The following TPO variants were observed in gnomAD, a reference collection of about 807,000 sequenced individuals.
TPO encodes thyroid microsomal antigen.
Under a neutral mutation model 96.9 loss-of-function variants are expected in TPO, and 78 were observed. The observed-to-expected ratio is 0.81, with a 90% confidence interval of 0.67 to 0.97. TPO has a LOEUF of 0.97. Among genes scored for constraint, TPO ranks in the 50% least tolerant of loss-of-function variants. TPO has a pLI of 0.00. For missense variants in TPO, 1,252 were observed against 1,274.8 expected (o/e 0.98, Z 0.27); for synonymous variants, 547 against 538.0 (o/e 1.02, Z -0.23).
intron 10 of TPO, among the ~76,000 whole-genome samples, chr2:1,493,217 G>GT (rs201445947): frequency 2.5e-5 from 3 of 118,586 alleles, no homozygotes; most frequent in East Asian, 5.8e-4. Flanking sequence ...GGTGGGGGGG[G>GT]GGGTGCTGGC....
At chr2:1,527,827 C>T (rs200358696) in intron 15 of TPO, among the ~76,000 whole-genome samples, 1 of 148,222 alleles carries the variant, frequency 6.7e-6, no homozygotes, top group Non-Finnish European at 1.5e-5. Flanking sequence ...CTCAAATCCC[C>T]ATACTGTGTG....
At chr2:1,421,116 A>T (rs1663467261) in intron 2 of TPO, among the ~76,000 whole-genome samples, 1 of 152,196 alleles carries the variant, frequency 6.6e-6, no homozygotes, top group Admixed American at 6.5e-5. Context: ...GAGGGAGACC[A>T]TGGAGAGAAG....
At chr2:1,525,050 T>TCCCTCCCACTGTGTGCAACCCCCCCC (rs1676120970) in intron 15 of TPO, among the ~76,000 whole-genome samples, 1 of 7,934 alleles carries the variant, frequency 1.3e-4, no homozygotes, top group African/African-American at 4.3e-4. Flanking sequence ...AACCTCCCCC[T>TCCCTCCCACTGTGTGCAACCCCCCCC]ATCCCTCCCA....
At chr2:1,541,978 G>C (rs1166034040) in intron 16 of TPO, 1 of 212,750 alleles carries the variant, frequency 4.7e-6, no homozygotes, top group Non-Finnish European at 9.5e-6. Flanking sequence ...GAACCAAAAG[G>C]ACCTGGCCTG....
At position 1,441,210 on chromosome 2, in the gene TPO, G is replaced by A. The variant is rs76776053; in HGVS notation, c.482+4826G>A. On this transcript the variant is annotated intron_variant, in intron 5 of 16. Transcript: ENST00000329066. ...GGGCAGGGTCCTTCTTGTTTGTGTGGTGTAGTCAGTGCCGCAGGAGCTACC... is the reference window on the plus strand; with the variant it reads ...GGGCAGGGTCCTTCTTGTTTGTGTGATGTAGTCAGTGCCGCAGGAGCTACC... Among the ~76,000 whole-genome samples the A allele has an allele frequency of 9.9e-5, 15 of 152,216 alleles. 1 individual carries two copies. Among genetic ancestry groups the A allele is most frequent in the African/African-American group, 3.4e-4 (14 of 41,528 alleles).
chr2:1,471,958 C>T (rs1377663000), intron 7 of TPO, among the ~76,000 whole-genome samples: 1 of 148,702 alleles, frequency 6.7e-6, no homozygotes, highest in African/African-American at 2.5e-5. Flanking sequence ...AGCACATGCC[C>T]TTCCCATGAT....
chr2:1,381,964 G>C (rs79329312), intron 1 of TPO, among the ~76,000 whole-genome samples: 2,441 of 152,290 alleles, frequency 0.016, 48 homozygotes, highest in East Asian at 0.063. Flanking sequence ...CATAAACGCA[G>C]CTGTAAATTG....
intron 2 of TPO, among the ~76,000 whole-genome samples, chr2:1,420,386 C>T (rs1663386845): frequency 6.6e-6 from 1 of 152,148 alleles, no homozygotes; most frequent in Non-Finnish European, 1.5e-5. Context: ...TAGCGCAGAA[C>T]TTTGCAGAGC....
At chr2:1,456,373 C>T (rs1279668386) in intron 7 of TPO, 91 bp downstream of exon 7, 1 of 1,376,426 alleles carries the variant, frequency 7.3e-7, no homozygotes, top group Non-Finnish European at 1.0e-6. Flanking sequence ...ATGTGAAAGT[C>T]TGTTTCTTTG....
intron 7 of TPO, among the ~76,000 whole-genome samples, chr2:1,462,589 T>A (rs11886764): frequency 6.6e-6 from 1 of 151,858 alleles, no homozygotes. Context: ...TTTTTAAACA[T>A]ACAGACTGGA....
intron 14 of TPO, among the ~76,000 whole-genome samples, chr2:1,515,844 G>A (rs1372438688): frequency 6.6e-6 from 1 of 152,036 alleles, no homozygotes; most frequent in African/African-American, 2.4e-5. Flanking sequence ...TAGCCCCAGA[G>A]CCTATCTTCA....
In TPO at chr2:1,433,580, A is replaced by T. The variant is rs140740927; in HGVS notation, c.322A>T (p.Lys108Ter). Reference sequence around the variant, plus strand: ...AGCGATGAAAAGAAAAGTCAACCTGAAAACTCAACAATCACAGCATCCAAC... The same window carrying T: ...AGCGATGAAAAGAAAAGTCAACCTGTAAACTCAACAATCACAGCATCCAAC... The part of the protein sequence containing the change: ...IQAMKRKVNL[K>*]TQQSQHPTDA... The change falls in exon 4 of 17, where the codon AAA becomes TAA. Residue 108 changes from lysine (K) to a stop codon, truncating the protein, a stop_gained. Coordinates refer to ENST00000329066, the MANE Select transcript of TPO (RefSeq NM_001206744.2). LOFTEE classifies it high-confidence loss of function. 6.2e-7 allele frequency: 1 copy of T among 1,614,000 alleles called. No homozygotes were observed. Among genetic ancestry groups the T allele is most frequent in the African/African-American group, 1.3e-5 (1 of 74,920 alleles).
intron 14 of TPO, among the ~76,000 whole-genome samples, chr2:1,507,473 G>A (rs562724792): frequency 0.01 from 1,583 of 152,268 alleles, 28 homozygotes; most frequent in African/African-American, 0.036. Context: ...ATTACCTTGG[G>A]CAGTATGGTC....
intron 15 of TPO, 29 bp from the exon 16 acceptor site, chr2:1,540,565 C>A (rs1334779706): frequency 1.2e-6 from 2 of 1,611,372 alleles, no homozygotes; most frequent in African/African-American, 2.7e-5. Flanking sequence ...CGGACCCTCT[C>A]CCGATAACTG....
chr2:1,493,960 TTC>T lies in TPO; in HGVS notation c.1928_1929del (p.Phe643SerfsTer25). Reference protein sequence around the residue: ...DVWLGGLAENFLPRARTGPLF... With the variant: ...DVWLGGLAENXLPRARTGPLF... The stretch of plus-strand genomic sequence containing the variant: ...CTGGCTGGGAGGCTTAGCTGAAAAC[TTC>T]CTCCCCAGGGCTCGGACAGGGCCCC... On this transcript the variant is annotated frameshift_variant, in exon 11 of 17. Transcript: ENST00000329066. LOFTEE classifies it high-confidence loss of function. 1 of 1,614,082 alleles carries T rather than the reference TTC, an allele frequency of 6.2e-7. No individual in the cohort carries two copies. Among genetic ancestry groups the T allele is most frequent in the Non-Finnish European group, 8.5e-7 (1 of 1,180,016 alleles).
chr2:1,436,949 A>C (rs972683921), intron 5 of TPO, among the ~76,000 whole-genome samples: 2 of 152,110 alleles, frequency 1.3e-5, no homozygotes, highest in Non-Finnish European at 2.9e-5. Flanking sequence ...TCCCCACTGC[A>C]CTCAGAGTGA....
chr2:1,487,700 A>G (rs754713823), intron 9 of TPO, 121 bp from the exon 10 acceptor site: 177 of 1,315,308 alleles, frequency 1.3e-4, no homozygotes, highest in Non-Finnish European at 1.6e-4. Flanking sequence ...TCGCCACTGC[A>G]CTCCAGCCTG....
At chr2:1,461,402 C>T (rs1668415993) in intron 7 of TPO, among the ~76,000 whole-genome samples, 1 of 152,208 alleles carries the variant, frequency 6.6e-6, no homozygotes, top group South Asian at 2.1e-4. Flanking sequence ...TTTGTGACCA[C>T]ACTTGCTCCT....
chr2:1,492,883 G>T (rs753032114), intron 10 of TPO, among the ~76,000 whole-genome samples: 1 of 152,180 alleles, frequency 6.6e-6, no homozygotes, highest in Non-Finnish European at 1.5e-5. Flanking sequence ...ACCCGTGGGA[G>T]TGAGGGTCGC....
Sources: gnomAD v4.1 joint callset for allele counts (sites outside exome capture counted in the v4.1 genomes callset) on GRCh38, gnomAD v4.1.1 for gene constraint, MANE v1.5 for transcripts, NCBI Gene and HGNC (gene_info 2026-07-23, HGNC 2026-07-21) for gene names.